ZNF10: variants seen among roughly 807,000 people sequenced by gnomAD.
ZNF10 encodes zinc finger protein 10.
Under a neutral mutation model 12.2 loss-of-function variants are expected in ZNF10, and 8 were observed. The ratio of observed to expected loss-of-function variants is 0.66; its 90% CI spans 0.39 to 1.18. The LOEUF (loss-of-function observed/expected upper bound fraction) is 1.18, where lower values mean the gene tolerates loss of function less well. Among genes scored for constraint, ZNF10 ranks in the 50% most tolerant of loss-of-function variants. The pLI, the probability that ZNF10 is intolerant of heterozygous loss-of-function variation, is 0.01. For synonymous variants in ZNF10, 229 were observed against 228.2 expected (o/e 1.00, Z -0.03); for missense variants, 603 against 678.9 (o/e 0.89, Z 1.24).
chr12:133,136,633 C>T (rs1258064432), intron 1 of ZNF10, among the ~76,000 whole-genome samples: 1 of 144,464 alleles, frequency 6.9e-6, no homozygotes, highest in Non-Finnish European at 1.6e-5. Context: ...AATGCCATTA[C>T]GTGGCACTAC....
chr12:133,135,035 A>G (rs1286969301), intron 1 of ZNF10, among the ~76,000 whole-genome samples: 1 of 152,088 alleles, frequency 6.6e-6, no homozygotes, highest in Admixed American at 6.5e-5. Context: ...GACTTTTAAC[A>G]TCCTTCCATG....
chr12:133,136,255 C>G (rs1288398633), intron 1 of ZNF10, among the ~76,000 whole-genome samples: 1 of 152,136 alleles, frequency 6.6e-6, no homozygotes, highest in African/African-American at 2.4e-5. Flanking sequence ...TTAGTCTCCA[C>G]TCTGACCCCA....
chr12:133,150,974 G>T, intron 2 of ZNF10, 54 bp from the exon 3 acceptor site: 1 of 1,584,688 alleles, frequency 6.3e-7, no homozygotes, highest in South Asian at 1.1e-5. Flanking sequence ...GATCAGGAAA[G>T]GGGGATAGCA....
intron 4 of ZNF10, among the ~76,000 whole-genome samples, chr12:133,152,540 A>G (rs7307021): frequency 0.22 from 33,816 of 152,032 alleles, 4,541 homozygotes; most frequent in Non-Finnish European, 0.3. Context: ...TTAGCCTCCC[A>G]AAGAACCAGG....
intron 4 of ZNF10, among the ~76,000 whole-genome samples, chr12:133,154,509 TATA>T (rs1197284083): frequency 6.6e-6 from 1 of 152,204 alleles, no homozygotes; most frequent in African/African-American, 2.4e-5. Flanking sequence ...CTTTATATAA[TATA>T]ATAATCTTAA....
rs150481122 is a variant in ZNF10, at chr12:133,156,904, C to T, written c.1658C>T (p.Ala553Val). 268 of 1,508,864 alleles carry T rather than the reference C, an allele frequency of 1.8e-4. No individual in the cohort carries two copies. The highest frequency in any genetic ancestry group is 5.7e-4 in the African/African-American group (41 of 71,500). 93.5% of individuals were successfully genotyped at this position (1,508,864 alleles called of 1,614,324 possible). Residue 553 changes from alanine to valine, a missense_variant, in exon 5 of 5, where the codon GCG (alanine) becomes GTG (valine). Physicochemically the swap from Ala to Val is moderately conservative, Grantham distance 64. Around this residue, in one of 3 missense-constraint regions of ZNF10, gnomAD observed 204 missense variants for 262.8 expected, o/e 0.78. Transcript: ENST00000248211. ...QFLTCNQCGT[A>V]LVNTSNLIGY... Reference sequence around the variant, plus strand: ...TTAACATGCAATCAATGTGGGACAGCGCTTGTTAATACCTCTAACCTTATT... The same window carrying T: ...TTAACATGCAATCAATGTGGGACAGTGCTTGTTAATACCTCTAACCTTATT...
intron 4 of ZNF10, among the ~76,000 whole-genome samples, chr12:133,154,202 G>C (rs1216688179): frequency 6.6e-6 from 1 of 152,096 alleles, no homozygotes; most frequent in Non-Finnish European, 1.5e-5. Flanking sequence ...TATCATCAGT[G>C]TATTTTTTAG....
intron 1 of ZNF10, among the ~76,000 whole-genome samples, chr12:133,134,892 C>T (rs773308893): frequency 5.9e-5 from 9 of 152,180 alleles, no homozygotes; most frequent in African/African-American, 9.7e-5. Flanking sequence ...TGTGGAATGG[C>T]TGTTGCTGTG....
intron 4 of ZNF10, among the ~76,000 whole-genome samples, chr12:133,152,550 G>A (rs1956015515): frequency 6.6e-6 from 1 of 152,132 alleles, no homozygotes; most frequent in Non-Finnish European, 1.5e-5. Flanking sequence ...AAAGAACCAG[G>A]AATTACAGGC....
intron 1 of ZNF10, 185 bp from the exon 2 acceptor site, chr12:133,144,248 TA>T: frequency 2.7e-6 from 1 of 370,976 alleles, no homozygotes. Flanking sequence ...GCAATTTATG[TA>T]GCTCTTCTCT....
intron 1 of ZNF10, among the ~76,000 whole-genome samples, chr12:133,138,549 A>T (rs1054374355): frequency 1.8e-4 from 27 of 152,072 alleles, no homozygotes; most frequent in African/African-American, 6.0e-4. Flanking sequence ...CATTATATTG[A>T]CTTGTAATTG....
rs573140180 is a variant in ZNF10 at position 133,159,237 on chromosome 12, C to T, written c.*2269C>T. Reference sequence around the variant, plus strand: ...ACAGAAATATGTATGAGGATGATCACTGAAATATTTATGACAGTGCATAAT... The same window carrying T: ...ACAGAAATATGTATGAGGATGATCATTGAAATATTTATGACAGTGCATAAT... On this transcript the variant is annotated 3_prime_UTR_variant, in exon 5 of 5. Coordinates refer to ENST00000248211, the MANE Select transcript of ZNF10 (RefSeq NM_015394.5). 23 of 152,264 alleles carry T rather than the reference C, an allele frequency of 1.5e-4. No homozygotes were observed. The highest frequency in any genetic ancestry group is 5.3e-4 in the African/African-American group (22 of 41,528). The allele number at this position is 152,264 out of a possible 1,614,324, so 9.4% of individuals were successfully genotyped here.
Position 133,156,115 on chromosome 12 carries a change from A to G in ZNF10, c.869A>G (p.Glu290Gly), listed in dbSNP as rs1956039453. Residue 290 changes from glutamate (E) to glycine (G), a missense_variant, in exon 5 of 5, where the codon GAA becomes GGA. Physicochemically the swap from Glu to Gly is moderately conservative, Grantham distance 98 (BLOSUM62 -2). Around this residue, in one of 3 missense-constraint regions of ZNF10, gnomAD observed 393 missense variants for 399.7 expected, o/e 0.98. Transcript: ENST00000248211. ...LTRHQLIHTG[E>G]KPYECKECGK... Reference sequence around the variant, plus strand: ...AGGCATCAGCTTATTCATACTGGAGAAAAACCCTATGAGTGTAAAGAATGT... The same window carrying G: ...AGGCATCAGCTTATTCATACTGGAGGAAAACCCTATGAGTGTAAAGAATGT... The G allele has an allele frequency of 6.2e-7, 1 of 1,613,444 alleles. No individual in the cohort carries two copies. Among genetic ancestry groups the G allele is most frequent in the Admixed American group, 1.7e-5 (1 of 60,014 alleles).
Position 133,133,490 on chromosome 12 carries a change from A to G in ZNF10, c.-60+2736A>G, listed in dbSNP as rs78883188. ...TGTCCTAATTCTTAAGTGGTTCACT[A>G]TCTCATAAGGGAGACAGACAAATCT... On this transcript the variant is annotated intron_variant, in intron 1 of 4. Transcript: ENST00000248211. Among the ~76,000 whole-genome samples the G allele has an allele frequency of 9.8e-3, 1,497 of 152,294 alleles. 19 individuals carry two copies. The highest frequency in any genetic ancestry group is 0.034 in the African/African-American group (1,424 of 41,548).
intron 2 of ZNF10, among the ~76,000 whole-genome samples, chr12:133,146,918 A>T (rs1482836651): frequency 6.6e-6 from 1 of 151,854 alleles, no homozygotes; most frequent in South Asian, 2.1e-4. Flanking sequence ...GCCCCTGTGT[A>T]TATAGTCCAT....
Position 133,151,806 on chromosome 12 carries a change from C to T in ZNF10, c.161-3C>T, listed in dbSNP as rs375468229. ...CCTGTTCTTTGTCTTTCACTGTGAACAGGTTATCAGCTTACTAAGCCAGAT... is the reference window on the plus strand; with the variant it reads ...CCTGTTCTTTGTCTTTCACTGTGAATAGGTTATCAGCTTACTAAGCCAGAT... On this transcript the variant is annotated splice_region_variant and splice_polypyrimidine_tract_variant and intron_variant, in intron 3 of 4. Transcript: ENST00000248211. 20 of 1,612,792 alleles carry T rather than the reference C, an allele frequency of 1.2e-5. No homozygotes were observed. The highest frequency in any genetic ancestry group is 6.7e-5 in the East Asian group (3 of 44,852).
chr12:133,144,593 T>G, intron 2 of ZNF10, 68 bp downstream of exon 2: 2 of 1,467,196 alleles, frequency 1.4e-6, no homozygotes, highest in Middle Eastern at 1.7e-4. Flanking sequence ...TTGCCAAAGA[T>G]CTTCAGAAAT....
At chr12:133,146,627 C>T (rs1039777820) in intron 2 of ZNF10, among the ~76,000 whole-genome samples, 2 of 152,086 alleles carry the variant, frequency 1.3e-5, no homozygotes, top group Non-Finnish European at 2.9e-5. Context: ...GGGTGGATCA[C>T]TTGAGGTCAG....
At position 133,156,748 on chromosome 12, in the gene ZNF10, A is replaced by G. The variant is rs771829929; in HGVS notation, c.1502A>G (p.Lys501Arg). The change falls in exon 5 of 5, where the codon AAG (lysine) becomes AGG (arginine). Residue 501 changes from lysine (K) to arginine (R), a missense_variant. Around this residue, in one of 3 missense-constraint regions of ZNF10, gnomAD observed 204 missense variants for 262.8 expected, o/e 0.78. Coordinates refer to ENST00000248211, the MANE Select transcript of ZNF10 (RefSeq NM_015394.5). ...CAGTGTGGGAAAGCCTTCATCCGGA[A>G]GAATGACCTCATTAAGCACCAGAGA... is the stretch of plus-strand genomic sequence containing the variant. ...CCQCGKAFIR[K>R]NDLIKHQRIH... The G allele has an allele frequency of 1.2e-6, 2 of 1,607,070 alleles. No individual in the cohort carries two copies. Among genetic ancestry groups the G allele is most frequent in the Admixed American group, 3.4e-5 (2 of 58,334 alleles).
Sources: allele counts gnomAD v4.1 joint callset (sites outside exome capture counted in the v4.1 genomes callset), GRCh38; gene constraint gnomAD v4.1.1; regional missense constraint gnomAD v4.1.1; transcripts MANE v1.5; gene names NCBI Gene and HGNC (gene_info 2026-07-23, HGNC 2026-07-21).